TNFAIP8: variants seen among roughly 807,000 people sequenced by gnomAD.
The protein encoded by TNFAIP8 is TNF alpha induced protein 8.
TNFAIP8 carries 7 observed loss-of-function variants against 13.3 expected under a neutral mutation model. The observed-to-expected ratio is 0.52, with a 90% CI of 0.30 to 0.99. The LOEUF is 0.99. Among genes scored for constraint, TNFAIP8 ranks in the 50% least tolerant of loss-of-function variants. TNFAIP8 has a pLI of 0.07. For synonymous variants in TNFAIP8, 94 were observed against 87.6 expected (o/e 1.07, Z -0.41); for missense variants, 258 against 236.9 (o/e 1.09, Z -0.58).
At chr5:119,338,895 G>T (rs915475707) in intron 1 of TNFAIP8, among the ~76,000 whole-genome samples, 1 of 152,036 alleles carries the variant, frequency 6.6e-6, no homozygotes, top group Non-Finnish European at 1.5e-5. Context: ...AAGTAAAAAA[G>T]AATTAGCCTG....
intron 1 of TNFAIP8, among the ~76,000 whole-genome samples, chr5:119,288,237 C>T (rs1185010511): frequency 1.3e-5 from 2 of 152,082 alleles, no homozygotes; most frequent in African/African-American, 4.8e-5. Flanking sequence ...TTATTTTGTA[C>T]ACAGTTTTTC....
intron 1 of TNFAIP8, among the ~76,000 whole-genome samples, chr5:119,297,701 T>A (rs1401727302): frequency 6.6e-5 from 10 of 152,168 alleles, no homozygotes; most frequent in Admixed American, 6.5e-4. Flanking sequence ...ATGTTGACAG[T>A]TGGGTGTTAA....
intron 1 of TNFAIP8, among the ~76,000 whole-genome samples, chr5:119,350,487 G>A (rs750783361): frequency 3.9e-5 from 6 of 152,192 alleles, no homozygotes; most frequent in African/African-American, 1.4e-4. Flanking sequence ...AAGAAGGACC[G>A]TGGGTCATAA....
At chr5:119,337,442 C>T (rs972317462) in intron 1 of TNFAIP8, among the ~76,000 whole-genome samples, 1 of 152,130 alleles carries the variant, frequency 6.6e-6, no homozygotes, top group South Asian at 2.1e-4. Flanking sequence ...GGGCATAGAC[C>T]TCTGTGGTCT....
Position 119,292,671 on chromosome 5 carries a change from T to TATATAC in TNFAIP8, c.1+23769_1+23770insCATATA, listed in dbSNP as rs1749028316. ...ATATATATATATATATATATATATATATATATATATATATACACACACACA... is the reference window on the plus strand; with the variant it reads ...ATATATATATATATATATATATATATATATACATATATATATATATACACACACACA... On this transcript the variant is annotated intron_variant, in intron 1 of 1. Transcript: ENST00000274456. Among the ~76,000 whole-genome samples, 23 of 37,756 alleles carry TATATAC rather than the reference T, an allele frequency of 6.1e-4. 3 individuals are homozygous for TATATAC. In the South Asian group the frequency reaches 0.02, roughly 33 times the overall value. The allele number at this position is 37,756 out of a possible 152,430, so 24.8% of individuals were successfully genotyped here.
rs1445742348 is a variant in TNFAIP8 at position 119,399,214 on chromosome 5, T to G, written c.*5833T>G. The stretch of plus-strand genomic sequence containing the variant: ...GTCAGGAATTTGGCATGCCTTCCTC[T>G]GGGAGAGGCACTGGAGTGTGGCCAG... On this transcript the variant is annotated 3_prime_UTR_variant, in exon 2 of 2. Transcript: ENST00000504771. 6.6e-6 allele frequency: 1 copy of G among 152,192 alleles called. No individual in the cohort carries two copies. The highest frequency in any genetic ancestry group is 1.5e-5 in the Non-Finnish European group (1 of 68,032). The allele number at this position is 152,192 out of a possible 1,614,324, so 9.4% of individuals were successfully genotyped here. A position where few individuals can be genotyped will look rare whatever the true frequency, so the allele number is the denominator to read the frequency against.
chr5:119,340,924 G>C (rs956668672), intron 1 of TNFAIP8, among the ~76,000 whole-genome samples: 2 of 152,132 alleles, frequency 1.3e-5, no homozygotes, highest in African/African-American at 2.4e-5. Flanking sequence ...TTGGCTGCCA[G>C]GCTTGTGTTC....
intron 1 of TNFAIP8, among the ~76,000 whole-genome samples, chr5:119,313,563 T>C (rs1175194340): frequency 1.3e-5 from 2 of 152,228 alleles, no homozygotes; most frequent in Admixed American, 6.5e-5. Context: ...AGGGAAGATA[T>C]GCATTTGCTA....
At chr5:119,371,764 G>T (rs1752081806) in intron 1 of TNFAIP8, among the ~76,000 whole-genome samples, 1 of 151,854 alleles carries the variant, frequency 6.6e-6, no homozygotes. Context: ...GGTGGCTCAT[G>T]CCTGTAATCC....
chr5:119,355,863 G>A (rs1417351976), upstream of TNFAIP8: 98 of 1,125,192 alleles, frequency 8.7e-5, no homozygotes, highest in Non-Finnish European at 1.0e-4. Context: ...GCGGCTCCGG[G>A]GGCGGACTCC....
chr5:119,351,678 G>A (rs920103652), upstream of TNFAIP8, among the ~76,000 whole-genome samples: 5 of 152,106 alleles, frequency 3.3e-5, no homozygotes, highest in Non-Finnish European at 7.3e-5. Context: ...CACAGAGCTT[G>A]ATCTTCTGCA....
At position 119,393,148 on chromosome 5, in the gene TNFAIP8, A is replaced by G; in HGVS notation, c.364A>G (p.Thr122Ala). ...TVVSFHQVDY[T>A]FDRNVLSRLL... is the part of the protein sequence containing the mutation. ...GGTCAGTTTCCATCAGGTGGATTAT[A>G]CCTTTGACCGGAATGTGTTATCCAG... Residue 122 changes from threonine to alanine, a missense_variant, in exon 2 of 2, where the codon ACC becomes GCC. Transcript: ENST00000504771. 6.2e-7 allele frequency: 1 copy of G among 1,614,004 alleles called. No homozygotes were observed.
chr5:119,333,794 T>C (rs572572528), intron 1 of TNFAIP8, among the ~76,000 whole-genome samples: 2 of 152,352 alleles, frequency 1.3e-5, no homozygotes, highest in South Asian at 2.1e-4. Flanking sequence ...TGTTTTGTTT[T>C]GCTATGGCTC....
chr5:119,342,822 T>C (rs1750785689), intron 1 of TNFAIP8, among the ~76,000 whole-genome samples: 1 of 152,208 alleles, frequency 6.6e-6, no homozygotes, highest in Non-Finnish European at 1.5e-5. Flanking sequence ...GGCGTTACTT[T>C]TTTCAGTCTC....
intron 1 of TNFAIP8, among the ~76,000 whole-genome samples, chr5:119,359,239 A>G (rs1024958632): frequency 6.6e-6 from 1 of 152,110 alleles, no homozygotes; most frequent in Non-Finnish European, 1.5e-5. Context: ...TCCCCATTCT[A>G]GGACATTGGC....
intron 1 of TNFAIP8, chr5:119,268,943 C>T: frequency 1.5e-6 from 1 of 685,978 alleles, no homozygotes. Flanking sequence ...CCCGCGCACA[C>T]TCCAGCGCGC....
intron 1 of TNFAIP8, among the ~76,000 whole-genome samples, chr5:119,300,744 A>G (rs1057312379): frequency 2.0e-5 from 3 of 152,196 alleles, no homozygotes; most frequent in African/African-American, 4.8e-5. Flanking sequence ...GCTTGACTCT[A>G]CAGGCTATGC....
intron 1 of TNFAIP8, among the ~76,000 whole-genome samples, chr5:119,384,087 T>G (rs919248409): frequency 6.6e-5 from 10 of 152,234 alleles, no homozygotes; most frequent in Admixed American, 6.5e-4. Context: ...TGCCACTTAC[T>G]GTAAGACCTT....
intron 1 of TNFAIP8, among the ~76,000 whole-genome samples, chr5:119,338,195 CA>C (rs1562006765): frequency 4.0e-5 from 6 of 150,544 alleles, no homozygotes; most frequent in African/African-American, 1.5e-4. Context: ...CACACACACA[CA>C]CACACACACA....
Sources: allele counts gnomAD v4.1 joint callset (sites outside exome capture counted in the v4.1 genomes callset), GRCh38; gene constraint gnomAD v4.1.1; transcripts MANE v1.5; gene names NCBI Gene and HGNC (gene_info 2026-07-23, HGNC 2026-07-21).